Variants in KCNH1 observed in about 807,000 individuals in gnomAD.
The protein encoded by KCNH1 is voltage-gated delayed rectifier potassium channel KCNH1.
Under a neutral mutation model 69.2 loss-of-function variants are expected in KCNH1, and 27 were observed. The observed-to-expected ratio is 0.39, with a 90% CI of 0.29 to 0.54. KCNH1 has a LOEUF of 0.54. Ranked by LOEUF, KCNH1 falls within the 20% of genes least tolerant of loss-of-function variation. KCNH1 has a pLI of 0.68. For missense variants in KCNH1, 798 were observed against 1,261.6 expected, an observed-to-expected ratio of 0.63 and a Z score of 5.57; for synonymous variants, 456 against 487.7, an observed-to-expected ratio of 0.93 and a Z score of 0.86.
At chr1:210,894,427 T>C (rs1421601079) in intron 7 of KCNH1, among the ~76,000 whole-genome samples, 4 of 152,206 alleles carry the variant, frequency 2.6e-5, no homozygotes, top group African/African-American at 9.6e-5. Context: ...GTCACTGTTT[T>C]TTAATAATCC....
intron 6 of KCNH1, among the ~76,000 whole-genome samples, chr1:210,996,721 G>A (rs1689048614): frequency 6.6e-6 from 1 of 152,218 alleles, no homozygotes; most frequent in African/African-American, 2.4e-5. Flanking sequence ...CAGCCTAACT[G>A]GGAGGCACCC....
intron 9 of KCNH1, among the ~76,000 whole-genome samples, chr1:210,791,875 A>C (rs934742236): frequency 6.6e-6 from 1 of 152,238 alleles, no homozygotes; most frequent in East Asian, 1.9e-4. Flanking sequence ...AGTACCTTCC[A>C]AATTAGGAAC....
At chr1:211,110,363 A>G (rs1691435368) in intron 1 of KCNH1, among the ~76,000 whole-genome samples, 1 of 152,186 alleles carries the variant, frequency 6.6e-6, no homozygotes, top group South Asian at 2.1e-4. Context: ...AACAATTCAG[A>G]GACTAGAAGT....
rs557446833 is a variant in KCNH1 at position 210,968,650 on chromosome 1, G to T, written c.1033-48581C>A. Reference sequence around the variant, plus strand: ...TGAGCATTTTTTCATGTGTTTTTTGGCTGCATAAATGTCTTGTTTAGAGAA... The same window carrying T: ...TGAGCATTTTTTCATGTGTTTTTTGTCTGCATAAATGTCTTGTTTAGAGAA... On this transcript the variant is annotated intron_variant, in intron 6 of 10. Transcript: ENST00000271751. Among the ~76,000 whole-genome samples, 67 of 151,780 alleles carry T rather than the reference G, an allele frequency of 4.4e-4. 1 individual carries two copies. Among genetic ancestry groups the T allele is most frequent in the African/African-American group, 1.5e-3 (63 of 41,292 alleles).
chr1:210,746,932 G>A lies in KCNH1; in HGVS notation c.2112+28416C>T, dbSNP rs568448421. 1.8e-3 allele frequency among the ~76,000 whole-genome samples: 278 copies of A among 152,262 alleles called. 1 individual carries two copies. Among genetic ancestry groups the A allele is most frequent in the Non-Finnish European group, 3.0e-3 (206 of 68,010 alleles). On this transcript the variant is annotated intron_variant, in intron 10 of 10. Transcript: ENST00000271751. Reference sequence around the variant, plus strand: ...TTCTGCAGAATGGGACAGAGGAAGGGGGAAATTGTTGACTTCAGCACAGCC... The same window carrying A: ...TTCTGCAGAATGGGACAGAGGAAGGAGGAAATTGTTGACTTCAGCACAGCC...
intron 9 of KCNH1, among the ~76,000 whole-genome samples, chr1:210,781,045 TCAAA>T (rs550730310): frequency 5.9e-5 from 9 of 152,172 alleles, no homozygotes; most frequent in Non-Finnish European, 8.8e-5. Context: ...AGACTCCGTT[TCAAA>T]CAAACAAACA....
At chr1:211,110,471 G>A (rs1538290) in intron 1 of KCNH1, among the ~76,000 whole-genome samples, 4,079 of 152,150 alleles carry the variant, frequency 0.027, 80 homozygotes, top group Non-Finnish European at 0.037. Flanking sequence ...GCAGGAAAGG[G>A]AATTAGAAAC....
chr1:210,946,539 C>T (rs926782005), intron 6 of KCNH1, among the ~76,000 whole-genome samples: 4 of 152,214 alleles, frequency 2.6e-5, no homozygotes, highest in African/African-American at 9.6e-5. Context: ...ATGTACTGCA[C>T]AGCCTTCTCT....
Position 210,900,444 on chromosome 1 carries a change from G to T in KCNH1, c.1462+19196C>A, listed in dbSNP as rs185913286. Among the ~76,000 whole-genome samples the T allele has an allele frequency of 2.5e-3, 383 of 152,304 alleles. 6 individuals carry two copies. Among genetic ancestry groups the T allele is most frequent in the Middle Eastern group, 3.4e-3 (1 of 294 alleles). On this transcript the variant is annotated intron_variant, in intron 7 of 10. Coordinates refer to ENST00000271751, the MANE Select transcript of KCNH1 (RefSeq NM_172362.3). ...TGAATCTAGATAAGCCAAGATTACT[G>T]TTTCATTTGAAAGGACAAATATGTT... is the stretch of plus-strand genomic sequence containing the variant.
chr1:211,055,080 A>C (rs1690279555), intron 5 of KCNH1, among the ~76,000 whole-genome samples: 1 of 152,114 alleles, frequency 6.6e-6, no homozygotes, highest in Non-Finnish European at 1.5e-5. Flanking sequence ...CCACACAAAA[A>C]AAGCACCTAC....
intron 6 of KCNH1, among the ~76,000 whole-genome samples, chr1:210,993,966 G>GA (rs142791118): frequency 0.16 from 24,288 of 151,606 alleles, 2,241 homozygotes; most frequent in East Asian, 0.38. Context: ...TCAAAGAAAA[G>GA]AAAAAATGTA....
chr1:210,752,339 G>C (rs529002366), intron 10 of KCNH1, among the ~76,000 whole-genome samples: 1 of 152,148 alleles, frequency 6.6e-6, no homozygotes, highest in South Asian at 2.1e-4. Context: ...CCTGGCAGCC[G>C]GAAGCTCTAA....
chr1:210,791,503 A>AT (rs1179692021), intron 9 of KCNH1, among the ~76,000 whole-genome samples: 1 of 152,184 alleles, frequency 6.6e-6, no homozygotes, highest in Non-Finnish European at 1.5e-5. Context: ...AACATGCCAC[A>AT]TGCATTTCCA....
chr1:211,100,873 C>T (rs540908638), intron 3 of KCNH1, among the ~76,000 whole-genome samples: 126 of 152,348 alleles, frequency 8.3e-4, no homozygotes, highest in African/African-American at 2.9e-3. Flanking sequence ...AGATCCTTTG[C>T]TAGACCCTCT....
At chr1:210,716,293 A>G (rs2149021601) in intron 10 of KCNH1, among the ~76,000 whole-genome samples, 1 of 151,984 alleles carries the variant, frequency 6.6e-6, no homozygotes, top group South Asian at 2.1e-4. Flanking sequence ...TTAGCTGAGC[A>G]TGGTGGTGGG....
intron 7 of KCNH1, among the ~76,000 whole-genome samples, chr1:210,876,901 T>A (rs1686387735): frequency 6.6e-6 from 1 of 152,006 alleles, no homozygotes; most frequent in Non-Finnish European, 1.5e-5. Context: ...TCCAGAGGAT[T>A]ACAGTAAAAA....
At chr1:210,877,232 AAGAG>A (rs1379661612) in intron 7 of KCNH1, among the ~76,000 whole-genome samples, 2 of 152,038 alleles carry the variant, frequency 1.3e-5, no homozygotes. Flanking sequence ...TATGAGCAAG[AAGAG>A]AGAGAGAGGA....
intron 1 of KCNH1, among the ~76,000 whole-genome samples, chr1:211,118,501 C>G (rs779020449): frequency 5.3e-5 from 8 of 152,174 alleles, no homozygotes; most frequent in Non-Finnish European, 1.0e-4. Flanking sequence ...TTTTTTACCC[C>G]CTAAGGGTCT....
intron 5 of KCNH1, among the ~76,000 whole-genome samples, chr1:211,057,480 A>G (rs531863064): frequency 6.6e-6 from 1 of 151,864 alleles, no homozygotes; most frequent in Non-Finnish European, 1.5e-5. Context: ...ACAAAAAAAA[A>G]TTTTTTTAAT....
Sources: allele counts gnomAD v4.1 joint callset (sites outside exome capture counted in the v4.1 genomes callset), GRCh38; gene constraint gnomAD v4.1.1; transcripts MANE v1.5; gene names NCBI Gene and HGNC (gene_info 2026-07-23, HGNC 2026-07-21).